The following ARID3A variants were observed in gnomAD, a reference collection of about 807,000 sequenced individuals.
ARID3A encodes AT-rich interaction domain 3A, also known as AT-rich interactive domain-containing protein 3A.
A neutral mutation model predicts 52.7 loss-of-function variants in ARID3A; 11 were observed. The ratio of observed to expected loss-of-function variants is 0.21; its 90% confidence interval spans 0.13 to 0.35. The LOEUF (loss-of-function observed/expected upper bound fraction) is 0.35. Ranked by LOEUF, ARID3A falls within the 10% of genes least tolerant of loss-of-function variation. The pLI, the probability that ARID3A is intolerant of heterozygous loss-of-function variation, is 1.00. For synonymous variants in ARID3A, 404 were observed against 359.4 expected (o/e 1.12, Z -1.40); for missense variants, 721 against 838.5 (o/e 0.86, Z 1.73).
chr19:927,002 A>C (rs1353151218), intron 1 of ARID3A, among the ~76,000 whole-genome samples: 7 of 149,130 alleles, frequency 4.7e-5, no homozygotes, highest in Non-Finnish European at 8.9e-5. Context: ...GGCCCCCCCA[A>C]CCCAGGACTT....
chr19:930,893 C>T (rs1312725071), intron 2 of ARID3A, among the ~76,000 whole-genome samples: 1 of 152,170 alleles, frequency 6.6e-6, no homozygotes, highest in Admixed American at 6.5e-5. Flanking sequence ...ATAAAATCTG[C>T]AGCCGGCTGG....
At chr19:934,587 C>T (rs372004650) in intron 3 of ARID3A, among the ~76,000 whole-genome samples, 18 of 152,176 alleles carry the variant, frequency 1.2e-4, no homozygotes, top group Non-Finnish European at 2.2e-4. Flanking sequence ...CCTGCCGCCC[C>T]GCACCTGCCC....
chr19:946,642 T>C (rs1330107491), intron 3 of ARID3A, among the ~76,000 whole-genome samples: 8 of 152,196 alleles, frequency 5.3e-5, no homozygotes, highest in African/African-American at 1.9e-4. Context: ...GGTTTCACCA[T>C]GTTGGCCAGG....
intron 1 of ARID3A, among the ~76,000 whole-genome samples, chr19:926,490 C>T (rs1007163488): frequency 8.6e-6 from 1 of 115,762 alleles, no homozygotes; most frequent in African/African-American, 3.8e-5. Flanking sequence ...TCTGCGCGCG[C>T]GCGGGGGGCT....
chr19:966,653 C>T lies in ARID3A; in HGVS notation c.1280C>T (p.Ala427Val). Residue 427 changes from alanine (A) to valine (V), a missense_variant, in exon 7 of 9, where the codon GCA (alanine) becomes GTA (valine). By Grantham distance (64) the Ala-to-Val change is moderately conservative. Around this residue, in one of 5 missense-constraint regions of ARID3A, gnomAD observed 297 missense variants for 343.2 expected, o/e 0.87. Transcript: ENST00000263620. ...LAGHPVVAAQAAAVQAAAAQA... is the reference protein window; with the variant it reads ...LAGHPVVAAQVAAVQAAAAQA... Reference sequence around the variant, plus strand: ...GGCCACCCTGTGGTGGCAGCCCAGGCAGCAGCTGTGCAAGCAGCAGCCGCC... The same window carrying T: ...GGCCACCCTGTGGTGGCAGCCCAGGTAGCAGCTGTGCAAGCAGCAGCCGCC... The T allele has an allele frequency of 1.2e-6, 2 of 1,607,738 alleles. No individual in the cohort carries two copies. The highest frequency in any genetic ancestry group is 1.7e-6 in the Non-Finnish European group (2 of 1,175,976).
At chr19:940,477 C>A (rs1011915554) in intron 3 of ARID3A, among the ~76,000 whole-genome samples, 7 of 151,918 alleles carry the variant, frequency 4.6e-5, no homozygotes, top group African/African-American at 9.7e-5. Flanking sequence ...TGGGAGGACC[C>A]TTCTGGAGCC....
intron 3 of ARID3A, among the ~76,000 whole-genome samples, chr19:952,782 G>C (rs1038251356): frequency 6.6e-6 from 1 of 152,064 alleles, no homozygotes; most frequent in Admixed American, 6.5e-5. Context: ...TTCTCCCAGG[G>C]GGCCCTGCAG....
chr19:966,475 A>AT, intron 6 of ARID3A, 97 bp from the exon 7 acceptor site: 3 of 950,112 alleles, frequency 3.2e-6, no homozygotes, highest in Non-Finnish European at 4.4e-6. Flanking sequence ...AAAAAAAAAA[A>AT]GAAAAGAAAA....
intron 3 of ARID3A, among the ~76,000 whole-genome samples, chr19:957,469 C>A (rs543740933): frequency 6.6e-6 from 1 of 152,324 alleles, no homozygotes; most frequent in South Asian, 2.1e-4. Flanking sequence ...AGGACAGCCC[C>A]GGGAGGCATG....
rs1555726117 is a variant in ARID3A at position 933,848 on chromosome 19, G to GGT, written c.693+1107_693+1108insTG. ...CCAGGGCAGCGGCGGGGACTCGGTG[G>GGT]GGGGGGGGGGCGTCTCGCTGATTCC... On this transcript the variant is annotated intron_variant, in intron 3 of 8. Coordinates refer to ENST00000263620, the MANE Select transcript of ARID3A (RefSeq NM_005224.3). Among the ~76,000 whole-genome samples the GGT allele has an allele frequency of 5.6e-5, 8 of 141,910 alleles. 1 individual carries two copies. Among genetic ancestry groups the GGT allele is most frequent in the African/African-American group, 1.6e-4 (6 of 37,788 alleles). 93.1% of individuals were successfully genotyped at this position (141,910 alleles called of 152,430 possible).
intron 3 of ARID3A, among the ~76,000 whole-genome samples, chr19:955,640 T>A (rs759598894): frequency 9.2e-5 from 14 of 152,232 alleles, no homozygotes; most frequent in African/African-American, 2.6e-4. Flanking sequence ...TCTCACACAC[T>A]CTATTTGAGA....
chr19:944,260 GT>G lies in ARID3A; in HGVS notation c.693+11519del, dbSNP rs1257742411. On this transcript the variant is annotated intron_variant, in intron 3 of 8. Coordinates refer to ENST00000263620, the MANE Select transcript of ARID3A (RefSeq NM_005224.3). This position sits in a 1 kb window ranked among gnomAD's most constrained non-coding sequence, Gnocchi z 5.9. ...CGGCAGCGCGGTGGAGGGCGGGCCT[GT>G]CTCGCCGTTATCTCCCAGGCGTGTC... Among the ~76,000 whole-genome samples, 55 of 152,252 alleles carry G rather than the reference GT, an allele frequency of 3.6e-4. No homozygotes were observed. Among genetic ancestry groups the G allele is most frequent in the African/African-American group, 1.3e-3 (54 of 41,512 alleles).
intron 6 of ARID3A, among the ~76,000 whole-genome samples, chr19:966,041 A>G (rs1004053870): frequency 1.3e-5 from 2 of 150,598 alleles, no homozygotes; most frequent in Non-Finnish European, 3.0e-5. Flanking sequence ...GGCGCCTGTA[A>G]TCCCAGCTAC....
At chr19:954,839 G>A (rs1442496005) in intron 3 of ARID3A, among the ~76,000 whole-genome samples, 10 of 152,074 alleles carry the variant, frequency 6.6e-5, no homozygotes, top group Admixed American at 3.3e-4. Flanking sequence ...GGGGCGGTGG[G>A]GGTCTCAGCG....
At chr19:945,274 A>T (rs2037654368) in intron 3 of ARID3A, among the ~76,000 whole-genome samples, 1 of 152,184 alleles carries the variant, frequency 6.6e-6, no homozygotes, top group Non-Finnish European at 1.5e-5. Flanking sequence ...TAAGACGGGG[A>T]TGGTATCAGA....
In ARID3A at chr19:944,589, C is replaced by A. The variant is rs183032885; in HGVS notation, c.693+11847C>A. Among the ~76,000 whole-genome samples, 2 of 152,054 alleles carry A rather than the reference C, an allele frequency of 1.3e-5. No individual in the cohort carries two copies. The highest frequency in any genetic ancestry group is 6.5e-5 in the Admixed American group (1 of 15,276). The stretch of plus-strand genomic sequence containing the variant: ...CCCCGACCCCGGCCCTGGGAGGGCC[C>A]GACTGCCAGCCTGGCTGAACCTCCT... On this transcript the variant is annotated intron_variant, in intron 3 of 8. Coordinates refer to ENST00000263620, the MANE Select transcript of ARID3A (RefSeq NM_005224.3). This position sits in a 1 kb window ranked among gnomAD's most constrained non-coding sequence, Gnocchi z 5.9.
In ARID3A at chr19:929,646, C is replaced by T. The variant is rs566450902; in HGVS notation, c.118C>T (p.Arg40Trp). The stretch of plus-strand genomic sequence containing the variant: ...CCCTGCTGCACCCCCCGGCCGGGCC[C>T]GGGCTGCCCCCGACGAGGACAGAGA... ...DPPAAPPGRA[R>W]AAPDEDREPE... Residue 40 changes from arginine to tryptophan, a missense_variant, in exon 2 of 9, where the codon CGG becomes TGG. Arg to Trp is a moderately radical substitution (Grantham distance 101, BLOSUM62 -3). Transcript: ENST00000263620. The surrounding 1 kb of genome is among the most constrained non-coding windows in gnomAD (Gnocchi z 6.2). The T allele has an allele frequency of 6.3e-5, 97 of 1,534,254 alleles. No homozygotes were observed. The highest frequency in any genetic ancestry group is 5.8e-4 in the South Asian group (49 of 84,048).
rs532663397 is a variant in ARID3A at position 964,194 on chromosome 19, G to T, written c.767-54G>T. 6.7e-7 allele frequency: 1 copy of T among 1,492,908 alleles called. No homozygotes were observed. The allele number at this position is 1,492,908 out of a possible 1,614,324, so 92.5% of individuals were successfully genotyped here. A position where few individuals can be genotyped will look rare whatever the true frequency, so the allele number is the denominator to read the frequency against. On this transcript the variant is annotated intron_variant, in intron 4 of 8. Transcript: ENST00000263620. This position sits in a 1 kb window ranked among gnomAD's most constrained non-coding sequence, Gnocchi z 5.7. ...GGAGAGGGCGGAGGCCAGGACACTC[G>T]GCTCCCTGCAGTGCCCAGGTGGCCC...
chr19:958,599 C>G (rs1182832842), intron 3 of ARID3A, among the ~76,000 whole-genome samples: 2 of 152,074 alleles, frequency 1.3e-5, no homozygotes, highest in Admixed American at 1.3e-4. Flanking sequence ...GGTGGTCCCA[C>G]AGGATTAGAA....
Sources: allele counts gnomAD v4.1 joint callset (sites outside exome capture counted in the v4.1 genomes callset), GRCh38; gene constraint gnomAD v4.1.1; regional missense constraint gnomAD v4.1.1; non-coding constraint Gnocchi (gnomAD v3.1); transcripts MANE v1.5; gene names NCBI Gene and HGNC (gene_info 2026-07-23, HGNC 2026-07-21).